Variants in DNAH8 observed in about 807,000 individuals in gnomAD.
DNAH8 encodes dynein axonemal heavy chain 8.
A neutral mutation model predicts 562.1 loss-of-function variants in DNAH8; 382 were observed. The ratio of observed to expected loss-of-function variants is 0.68; its 90% CI spans 0.63 to 0.74. The LOEUF (loss-of-function observed/expected upper bound fraction) is 0.74. DNAH8 is among the 30% of genes least tolerant of loss of function. The pLI is 0.00. For missense variants in DNAH8, 5,203 were observed against 5,620.4 expected, an observed-to-expected ratio of 0.93 and a Z score of 2.37; for synonymous variants, 1,881 against 1,919.4, an observed-to-expected ratio of 0.98 and a Z score of 0.52.
At chr6:38,788,313 A>G (rs1210662694) in intron 18 of DNAH8, among the ~76,000 whole-genome samples, 2 of 152,092 alleles carry the variant, frequency 1.3e-5, no homozygotes, top group East Asian at 3.9e-4. Context: ...CACCATGCCC[A>G]GCTAATTTTT....
At chr6:38,912,157 T>C (rs550693405) in intron 66 of DNAH8, among the ~76,000 whole-genome samples, 1 of 152,312 alleles carries the variant, frequency 6.6e-6, no homozygotes, top group African/African-American at 2.4e-5. Context: ...GTTCTTATTT[T>C]TCAAGTTCTA....
intron 53 of DNAH8, among the ~76,000 whole-genome samples, 196 bp downstream of exon 53, chr6:38,876,024 T>G (rs1450643981): frequency 6.6e-6 from 1 of 152,216 alleles, no homozygotes; most frequent in Non-Finnish European, 1.5e-5. Flanking sequence ...ATATTGAGAC[T>G]CTTGACTTCT....
At chr6:38,750,668 G>A in intron 9 of DNAH8, 79 bp downstream of exon 9, 7 of 876,080 alleles carry the variant, frequency 8.0e-6, no homozygotes, top group East Asian at 5.3e-5. Flanking sequence ...AGAAGGCTGA[G>A]GTGGAAGGAT....
intron 39 of DNAH8, among the ~76,000 whole-genome samples, chr6:38,851,931 A>T (rs901616784): frequency 7.9e-5 from 12 of 152,150 alleles, no homozygotes; most frequent in Non-Finnish European, 1.5e-5. Flanking sequence ...CCCATCCCTC[A>T]ATTCCATATC....
rs1351775676 is a variant in DNAH8, at chr6:38,909,716, T to G, written c.9712T>G (p.Ser3238Ala). 1 of 1,614,006 alleles carries G rather than the reference T, an allele frequency of 6.2e-7. No individual in the cohort carries two copies. The highest frequency in any genetic ancestry group is 8.5e-7 in the Non-Finnish European group (1 of 1,179,978). The change falls in exon 65 of 93, where the codon TCA becomes GCA. Residue 3238 changes from serine (S) to alanine (A), a missense_variant. By Grantham distance (99) the Ser-to-Ala change is moderately conservative. Coordinates refer to ENST00000327475, the MANE Select transcript of DNAH8 (RefSeq NM_001206927.2). ...ETMGLFHDMV[S>A]ESCESYFQRY... ...AATGGGCCTGTTTCATGACATGGTT[T>G]CAGAGAGCTGTGAAAGTTATTTCCA...
Position 38,729,929 on chromosome 6 carries a change from A to G in DNAH8, c.553A>G (p.Lys185Glu). The G allele has an allele frequency of 6.3e-7, 1 of 1,596,962 alleles. No homozygotes were observed. ...SLEAFTNFFA[K>E]DGCKTLKFLY... Reference sequence around the variant, plus strand: ...GGAAGCATTTACTAATTTTTTTGCGAAAGATGGTTGTAAGACACTGAAATT... The same window carrying G: ...GGAAGCATTTACTAATTTTTTTGCGGAAGATGGTTGTAAGACACTGAAATT... The change falls in exon 4 of 93, where the codon AAA becomes GAA. Residue 185 changes from lysine (K) to glutamate (E), a missense_variant. Physicochemically the swap from Lys to Glu is moderately conservative, Grantham distance 56. Transcript: ENST00000327475.
At chr6:38,925,644 G>A (rs1295410274) in intron 73 of DNAH8, among the ~76,000 whole-genome samples, 1 of 152,102 alleles carries the variant, frequency 6.6e-6, no homozygotes, top group Admixed American at 6.6e-5. Flanking sequence ...CATACACCAT[G>A]TGGGCAGAAC....
chr6:38,817,670 A>G (rs1349644614), intron 26 of DNAH8, among the ~76,000 whole-genome samples: 4 of 152,126 alleles, frequency 2.6e-5, no homozygotes, highest in Non-Finnish European at 5.9e-5. Context: ...TTATAAGGAG[A>G]GTGGTCTGAA....
intron 57 of DNAH8, 47 bp downstream of exon 57, chr6:38,887,051 T>TAAA: frequency 7.4e-7 from 1 of 1,349,664 alleles, no homozygotes; most frequent in Non-Finnish European, 1.1e-6. Flanking sequence ...ATAATGGACA[T>TAAA]AAACCACACA....
At chr6:39,009,606 G>A (rs6930141) in intron 89 of DNAH8, among the ~76,000 whole-genome samples, 1 of 151,906 alleles carries the variant, frequency 6.6e-6, no homozygotes, top group African/African-American at 2.4e-5. Context: ...GACACTGTCC[G>A]AAGTGCTTCA....
intron 16 of DNAH8, among the ~76,000 whole-genome samples, chr6:38,782,077 TTC>T (rs1440901262): frequency 6.6e-6 from 1 of 151,946 alleles, no homozygotes; most frequent in East Asian, 1.9e-4. Flanking sequence ...AATATGAAGA[TTC>T]TGTTGTTTCT....
chr6:39,015,196 G>A (rs1766481770), intron 91 of DNAH8, among the ~76,000 whole-genome samples: 1 of 152,146 alleles, frequency 6.6e-6, no homozygotes, highest in African/African-American at 2.4e-5. Context: ...TAGAAACCAA[G>A]GGAGTGGAGT....
chr6:39,006,612 T>G (rs1193027895), intron 88 of DNAH8, among the ~76,000 whole-genome samples: 1 of 152,228 alleles, frequency 6.6e-6, no homozygotes, highest in Non-Finnish European at 1.5e-5. Flanking sequence ...GGTATATTGT[T>G]CCAGGAAAGA....
chr6:38,900,365 CTATT>C (rs1398945854), intron 62 of DNAH8, among the ~76,000 whole-genome samples: 5 of 152,214 alleles, frequency 3.3e-5, no homozygotes, highest in Admixed American at 1.3e-4. Flanking sequence ...CTACCACAGT[CTATT>C]TATCCATTGT....
chr6:38,919,917 G>A (rs1479721063), intron 70 of DNAH8, among the ~76,000 whole-genome samples: 4 of 152,056 alleles, frequency 2.6e-5, no homozygotes, highest in African/African-American at 4.8e-5. Context: ...TAAGGAAATC[G>A]GAATAGAGCC....
intron 41 of DNAH8, 69 bp from the exon 42 acceptor site, chr6:38,857,449 C>A: frequency 2.0e-6 from 2 of 1,015,088 alleles, no homozygotes; most frequent in Non-Finnish European, 3.0e-6. Context: ...AATAAGTGAC[C>A]ACCAAATTTT....
intron 87 of DNAH8, 134 bp from the exon 88 acceptor site, chr6:38,989,877 TA>T: frequency 1.7e-6 from 1 of 583,314 alleles, no homozygotes; most frequent in East Asian, 2.8e-5. Context: ...CTATCAGTAG[TA>T]TTGTTAAAGC....
chr6:38,868,432 G>A (rs575985886), intron 48 of DNAH8, among the ~76,000 whole-genome samples: 90 of 152,290 alleles, frequency 5.9e-4, no homozygotes, highest in African/African-American at 2.0e-3. Context: ...CAGGTCATCA[G>A]TGGGCTTCAG....
Position 38,886,791 on chromosome 6 carries a change from A to G in DNAH8, c.8260A>G (p.Ile2754Val), listed in dbSNP as rs1463726521. 3 of 1,612,908 alleles carry G rather than the reference A, an allele frequency of 1.9e-6. No homozygotes were observed. Among genetic ancestry groups the G allele is most frequent in the Non-Finnish European group, 2.5e-6 (3 of 1,179,048 alleles). The change falls in exon 57 of 93, where the codon ATA becomes GTA. Residue 2754 changes from isoleucine (I) to valine (V), a missense_variant and splice_region_variant. Coordinates refer to ENST00000327475, the MANE Select transcript of DNAH8 (RefSeq NM_001206927.2). Reference protein sequence around the residue: ...MPVINEWGDQITNEIVRQMME... With the variant: ...MPVINEWGDQVTNEIVRQMME... ...AAAATATTGCTGTGTGAAATTTCAG[A>G]TAACTAATGAGATTGTGCGACAGAT... is the stretch of plus-strand genomic sequence containing the variant.
Sources: allele counts gnomAD v4.1 joint callset (sites outside exome capture counted in the v4.1 genomes callset), GRCh38; gene constraint gnomAD v4.1.1; transcripts MANE v1.5; gene names NCBI Gene and HGNC (gene_info 2026-07-23, HGNC 2026-07-21).